SLC9C2: variants seen among roughly 807,000 people sequenced by gnomAD.
The protein encoded by SLC9C2 is solute carrier family 9 member C2 (putative), also known as sodium/hydrogen exchanger 11.
Under a neutral mutation model 140.2 loss-of-function variants are expected in SLC9C2, and 75 were observed. That is an observed-to-expected ratio of 0.53 (90% CI 0.44 to 0.65). The LOEUF (loss-of-function observed/expected upper bound fraction) is 0.65. Ranked by LOEUF, SLC9C2 falls within the 30% of genes least tolerant of loss-of-function variation. The pLI, the probability that SLC9C2 is intolerant of heterozygous loss-of-function variation, is 0.00. For synonymous variants in SLC9C2, 375 were observed against 420.9 expected, an observed-to-expected ratio of 0.89 and a Z score of 1.34; for missense variants, 1,074 against 1,331.8, an observed-to-expected ratio of 0.81 and a Z score of 3.01.
intron 4 of SLC9C2, among the ~76,000 whole-genome samples, chr1:173,594,153 A>G (rs1455418707): frequency 6.6e-6 from 1 of 152,184 alleles, no homozygotes; most frequent in East Asian, 1.9e-4. Flanking sequence ...AGAAACAAAG[A>G]CCACTAAATG....
At chr1:173,594,736 A>AT (rs1360598201) in intron 4 of SLC9C2, among the ~76,000 whole-genome samples, 2 of 152,220 alleles carry the variant, frequency 1.3e-5, no homozygotes, top group Admixed American at 6.5e-5. Context: ...GAAAGTAGAG[A>AT]TATTTAGCTT....
chr1:173,522,941 A>G (rs902892264), intron 21 of SLC9C2, among the ~76,000 whole-genome samples: 6 of 152,218 alleles, frequency 3.9e-5, no homozygotes, highest in African/African-American at 1.4e-4. Flanking sequence ...TTATTAGAGC[A>G]GCCTTCCATG....
intron 11 of SLC9C2, 77 bp from the exon 12 acceptor site, chr1:173,548,629 T>C: frequency 3.3e-6 from 5 of 1,518,186 alleles, no homozygotes; most frequent in Non-Finnish European, 4.5e-6. Context: ...TGTTGCATGA[T>C]CATGTAGTGA....
intron 4 of SLC9C2, among the ~76,000 whole-genome samples, chr1:173,589,088 A>C (rs1486439348): frequency 6.6e-6 from 1 of 152,172 alleles, no homozygotes; most frequent in African/African-American, 2.4e-5. Context: ...TAAAAATAAA[A>C]TAAGTGCGGG....
intron 11 of SLC9C2, among the ~76,000 whole-genome samples, chr1:173,551,848 C>T (rs1362095752): frequency 1.3e-5 from 2 of 152,154 alleles, no homozygotes; most frequent in Admixed American, 6.5e-5. Flanking sequence ...AAGAGTCATA[C>T]ATCTCTCACT....
intron 9 of SLC9C2, among the ~76,000 whole-genome samples, chr1:173,566,062 A>C (rs1421882686): frequency 6.6e-6 from 1 of 152,020 alleles, no homozygotes; most frequent in Non-Finnish European, 1.5e-5. Context: ...TTTTTAATGC[A>C]TTGTTGAATT....
intron 11 of SLC9C2, among the ~76,000 whole-genome samples, chr1:173,553,151 G>A (rs1167386743): frequency 6.6e-6 from 1 of 152,204 alleles, no homozygotes; most frequent in African/African-American, 2.4e-5. Flanking sequence ...GCCTGAAGAT[G>A]TGACTGAATT....
chr1:173,535,988 G>A, intron 14 of SLC9C2, 39 bp from the exon 15 acceptor site: 1 of 1,459,394 alleles, frequency 6.9e-7, no homozygotes, highest in Middle Eastern at 1.8e-4. Flanking sequence ...ATAATAAAAA[G>A]CAAGTGCTAT....
At chr1:173,545,704 G>A (rs1048246242) in intron 13 of SLC9C2, among the ~76,000 whole-genome samples, 1 of 152,154 alleles carries the variant, frequency 6.6e-6, no homozygotes, top group Non-Finnish European at 1.5e-5. Flanking sequence ...CTTGGAAAAG[G>A]GTGAGTCTGT....
At chr1:173,515,556 C>T (rs1558019183) in intron 23 of SLC9C2, among the ~76,000 whole-genome samples, 2 of 152,152 alleles carry the variant, frequency 1.3e-5, no homozygotes, top group African/African-American at 4.8e-5. Context: ...GTTAGCAGCT[C>T]CTGTAACCTT....
At chr1:173,562,061 G>A (rs573354138) in intron 9 of SLC9C2, among the ~76,000 whole-genome samples, 2 of 152,080 alleles carry the variant, frequency 1.3e-5, no homozygotes, top group Admixed American at 6.5e-5. Context: ...TCTGGGCACC[G>A]TTATAATAGG....
chr1:173,508,467 A>T (rs1659805383), intron 24 of SLC9C2, among the ~76,000 whole-genome samples: 1 of 152,110 alleles, frequency 6.6e-6, no homozygotes, highest in South Asian at 2.1e-4. Flanking sequence ...ATTGGTCCTA[A>T]TTCTCACCCC....
intron 25 of SLC9C2, among the ~76,000 whole-genome samples, chr1:173,505,853 G>A (rs1221274902): frequency 6.6e-6 from 1 of 152,080 alleles, no homozygotes; most frequent in Non-Finnish European, 1.5e-5. Context: ...ATCTTACCAT[G>A]AAGGAAATTG....
chr1:173,505,477 C>T (rs1423273527), intron 25 of SLC9C2, 146 bp from the exon 26 acceptor site: 3 of 631,952 alleles, frequency 4.7e-6, no homozygotes, highest in East Asian at 2.7e-5. Flanking sequence ...AATTTCAAAT[C>T]CTCTTTGATG....
At chr1:173,598,111 A>G in intron 3 of SLC9C2, 79 bp from the exon 4 acceptor site, 9 of 1,429,458 alleles carry the variant, frequency 6.3e-6, no homozygotes, top group Non-Finnish European at 7.6e-6. Context: ...CTGTCAATCA[A>G]TATAAATTTT....
chr1:173,521,820 G>T (rs16846103), intron 21 of SLC9C2, among the ~76,000 whole-genome samples: 6,997 of 139,740 alleles, frequency 0.05, 585 homozygotes, highest in African/African-American at 0.18. Context: ...TTTTAGTTAT[G>T]TTGGGTAGAT....
intron 5 of SLC9C2, among the ~76,000 whole-genome samples, chr1:173,586,993 T>TTTG (rs562646068): frequency 8.2e-4 from 125 of 152,040 alleles, no homozygotes; most frequent in East Asian, 3.3e-3. Flanking sequence ...GTATCCCATT[T>TTTG]TTGTTGTTGT....
At position 173,569,917 on chromosome 1, in the gene SLC9C2, C is replaced by T. The variant is rs1382489760; in HGVS notation, c.1046+3265G>A. Among the ~76,000 whole-genome samples the T allele has an allele frequency of 2.6e-5, 4 of 152,320 alleles. No homozygotes were observed. The East Asian group carries it at 5.8e-4, about 22-fold the overall frequency. ...CACTCTTTCCTCCTTTTTCCACAGG[C>T]AGGAAAGCCTCTCCCTATGGCCACC... On this transcript the variant is annotated intron_variant, in intron 9 of 27. Transcript: ENST00000367714.
chr1:173,551,758 C>T (rs948785682), intron 11 of SLC9C2, among the ~76,000 whole-genome samples: 2 of 152,074 alleles, frequency 1.3e-5, no homozygotes, highest in South Asian at 2.1e-4. Flanking sequence ...CCTTGGATCT[C>T]GCTATTCCCT....
Sources: allele counts gnomAD v4.1 joint callset (sites outside exome capture counted in the v4.1 genomes callset), GRCh38; gene constraint gnomAD v4.1.1; transcripts MANE v1.5; gene names NCBI Gene and HGNC (gene_info 2026-07-23, HGNC 2026-07-21).